The following PDE4B variants were observed in gnomAD, a reference collection of about 807,000 sequenced individuals.
PDE4B encodes the protein phosphodiesterase 4B.
In PDE4B, 20 loss-of-function variants were observed where a neutral mutation model predicts 82.2. The observed-to-expected ratio is 0.24, with a 90% confidence interval of 0.17 to 0.35. The LOEUF is 0.35. Among genes scored for constraint, PDE4B ranks in the 10% least tolerant of loss-of-function variants. The pLI, the probability that PDE4B is intolerant of heterozygous loss-of-function variation, is 1.00. For synonymous variants in PDE4B, 320 were observed against 318.9 expected (o/e 1.00, Z -0.04); for missense variants, 655 against 907.2 (o/e 0.72, Z 3.57).
intron 3 of PDE4B, among the ~76,000 whole-genome samples, chr1:66,043,631 A>G (rs1212558978): frequency 6.6e-6 from 1 of 151,766 alleles, no homozygotes; most frequent in African/African-American, 2.4e-5. Flanking sequence ...AATTCTGTCC[A>G]AAGACCAACG....
intron 7 of PDE4B, among the ~76,000 whole-genome samples, chr1:66,324,931 AT>A (rs2101898829): frequency 6.6e-6 from 1 of 152,292 alleles, no homozygotes; most frequent in South Asian, 2.1e-4. Context: ...AATATTATAT[AT>A]TTGGACATAA....
At chr1:65,805,365 C>T (rs1366201114) in intron 1 of PDE4B, among the ~76,000 whole-genome samples, 2 of 152,038 alleles carry the variant, frequency 1.3e-5, no homozygotes, top group Non-Finnish European at 2.9e-5. Context: ...ATTATGGTGT[C>T]CTGGAAGAGG....
intron 3 of PDE4B, among the ~76,000 whole-genome samples, chr1:66,173,127 G>A (rs1386605611): frequency 6.6e-6 from 1 of 152,168 alleles, no homozygotes; most frequent in African/African-American, 2.4e-5. Flanking sequence ...AATTTTGATG[G>A]ATAAGTAGGC....
intron 1 of PDE4B, among the ~76,000 whole-genome samples, chr1:65,870,055 T>C (rs2100291579): frequency 6.6e-6 from 1 of 152,288 alleles, no homozygotes; most frequent in Admixed American, 6.5e-5. Flanking sequence ...AGACTAGATA[T>C]TTTTTCCATT....
At chr1:66,164,619 G>T (rs1199459945) in intron 3 of PDE4B, among the ~76,000 whole-genome samples, 1 of 150,436 alleles carries the variant, frequency 6.6e-6, no homozygotes, top group Non-Finnish European at 1.5e-5. Context: ...TCTATTATAG[G>T]CAGTAGGGCA....
At chr1:66,070,403 G>A (rs1656094234) in intron 3 of PDE4B, among the ~76,000 whole-genome samples, 1 of 152,016 alleles carries the variant, frequency 6.6e-6, no homozygotes, top group African/African-American at 2.4e-5. Context: ...CAGTATATGA[G>A]GGAATGGTAG....
intron 3 of PDE4B, among the ~76,000 whole-genome samples, chr1:65,931,781 A>G (rs948425359): frequency 2.0e-5 from 3 of 152,174 alleles, no homozygotes; most frequent in African/African-American, 7.2e-5. Flanking sequence ...GATTGAAAGG[A>G]ATCATAGCTC....
chr1:66,091,600 G>T (rs2503230), intron 3 of PDE4B, among the ~76,000 whole-genome samples: 1 of 152,064 alleles, frequency 6.6e-6, no homozygotes, highest in Non-Finnish European at 1.5e-5. Context: ...ACTGCCACAT[G>T]CTTAGACATA....
chr1:66,174,398 A>G (rs190291474), intron 3 of PDE4B, among the ~76,000 whole-genome samples: 1 of 152,306 alleles, frequency 6.6e-6, no homozygotes, highest in Non-Finnish European at 1.5e-5. Context: ...TAGTAGGTGG[A>G]ATTATGTATG....
chr1:66,198,069 T>C (rs1648491411), intron 3 of PDE4B, among the ~76,000 whole-genome samples: 1 of 152,188 alleles, frequency 6.6e-6, no homozygotes. Context: ...AAGAAGAATG[T>C]GAGTAGAGAT....
intron 1 of PDE4B, among the ~76,000 whole-genome samples, chr1:65,887,385 C>T (rs1261425642): frequency 7.9e-5 from 2 of 25,472 alleles, no homozygotes; most frequent in East Asian, 7.9e-4. Context: ...TCCTTCCTTC[C>T]TTCTTTTCTT....
intron 3 of PDE4B, among the ~76,000 whole-genome samples, chr1:66,239,764 G>A (rs147612967): frequency 1.7e-3 from 252 of 152,184 alleles, no homozygotes; most frequent in African/African-American, 5.8e-3. Flanking sequence ...TTTAAAAAAT[G>A]ATACTTAACA....
At chr1:65,932,902 A>G (rs1333581809) in intron 3 of PDE4B, among the ~76,000 whole-genome samples, 4 of 152,156 alleles carry the variant, frequency 2.6e-5, no homozygotes, top group Non-Finnish European at 5.9e-5. Flanking sequence ...CAGTCAGAAG[A>G]GCAAAAAGAA....
At chr1:66,112,136 A>G (rs932703406) in intron 3 of PDE4B, among the ~76,000 whole-genome samples, 1 of 152,164 alleles carries the variant, frequency 6.6e-6, no homozygotes, top group African/African-American at 2.4e-5. Flanking sequence ...AGGATTATAA[A>G]AAAACTGTAA....
chr1:66,211,001 G>A (rs1470036640), intron 3 of PDE4B, among the ~76,000 whole-genome samples: 1 of 152,206 alleles, frequency 6.6e-6, no homozygotes, highest in Non-Finnish European at 1.5e-5. Flanking sequence ...GCAGCCTAGA[G>A]GTGTGGACCA....
At chr1:66,310,361 C>T (rs1410132120) in intron 7 of PDE4B, among the ~76,000 whole-genome samples, 1 of 152,150 alleles carries the variant, frequency 6.6e-6, no homozygotes, top group East Asian at 1.9e-4. Context: ...TCTTCTCTTC[C>T]CCGCTGCCCT....
chr1:66,090,994 G>A (rs1645012140), intron 3 of PDE4B, among the ~76,000 whole-genome samples: 1 of 151,852 alleles, frequency 6.6e-6, no homozygotes, highest in African/African-American at 2.4e-5. Flanking sequence ...CAAATTAATT[G>A]GGAAAAGAAA....
At chr1:65,876,830 T>C (rs967519732) in intron 1 of PDE4B, among the ~76,000 whole-genome samples, 5 of 151,954 alleles carry the variant, frequency 3.3e-5, no homozygotes, top group African/African-American at 1.2e-4. Context: ...TATCTAGAAA[T>C]ACAACTTACA....
In PDE4B at chr1:66,210,819, A is replaced by G. The variant is rs1341006975; in HGVS notation, c.282-36641A>G. Among the ~76,000 whole-genome samples, 4 of 152,148 alleles carry G rather than the reference A, an allele frequency of 2.6e-5. 1 individual carries two copies. Among genetic ancestry groups the G allele is most frequent in the African/African-American group, 9.7e-5 (4 of 41,438 alleles). On this transcript the variant is annotated intron_variant, in intron 3 of 16. Coordinates refer to ENST00000341517, the MANE Select transcript of PDE4B (RefSeq NM_002600.4). The stretch of plus-strand genomic sequence containing the variant: ...TGTTGCAGACACTGCTGTCACAGCT[A>G]CTGACATTAGACTCATCGTTTCTGC...
Sources: gnomAD v4.1 joint callset for allele counts (sites outside exome capture counted in the v4.1 genomes callset) on GRCh38, gnomAD v4.1.1 for gene constraint, MANE v1.5 for transcripts, NCBI Gene and HGNC (gene_info 2026-07-23, HGNC 2026-07-21) for gene names.